The following ZNF704 variants were observed in gnomAD, a reference collection of about 807,000 sequenced individuals.
ZNF704 encodes zinc finger protein 704, also known as glucocorticoid induced gene 1.
ZNF704 carries 10 observed loss-of-function variants against 44.7 expected under a neutral mutation model. The observed-to-expected ratio is 0.22, with a 90% CI of 0.14 to 0.38. ZNF704 has a LOEUF of 0.38. Among genes scored for constraint, ZNF704 ranks in the 10% least tolerant of loss-of-function variants. The pLI is 1.00. For synonymous variants in ZNF704, 211 were observed against 207.6 expected, an observed-to-expected ratio of 1.02 and a Z score of -0.14; for missense variants, 390 against 545.5, an observed-to-expected ratio of 0.71 and a Z score of 2.84.
chr8:80,821,093 A>T (rs1808261842), intron 2 of ZNF704, among the ~76,000 whole-genome samples: 1 of 152,134 alleles, frequency 6.6e-6, no homozygotes, highest in Admixed American at 6.6e-5. Context: ...TTTCATCCTA[A>T]TTTTTTGCAT....
intron 2 of ZNF704, among the ~76,000 whole-genome samples, chr8:80,752,605 G>A (rs1003634015): frequency 6.6e-6 from 1 of 151,882 alleles, no homozygotes. Flanking sequence ...GCAATGGTGT[G>A]ATTTTGGCTC....
intron 2 of ZNF704, among the ~76,000 whole-genome samples, chr8:80,702,175 T>C (rs1410765637): frequency 4.0e-5 from 6 of 151,338 alleles, no homozygotes; most frequent in Non-Finnish European, 7.4e-5. Context: ...CTACCTGGAG[T>C]GAGGAGAACA....
At chr8:80,669,171 C>G (rs1818240650) in intron 5 of ZNF704, among the ~76,000 whole-genome samples, 1 of 152,144 alleles carries the variant, frequency 6.6e-6, no homozygotes, top group South Asian at 2.1e-4. Flanking sequence ...ATTTTCTGGG[C>G]AGACAGACTT....
chr8:80,631,882 A>C lies in ZNF704; in HGVS notation c.*9484T>G, dbSNP rs1429780199. The C allele has an allele frequency of 6.6e-6, 1 of 152,192 alleles. No homozygotes were observed. Among genetic ancestry groups the C allele is most frequent in the African/African-American group, 2.4e-5 (1 of 41,438 alleles). 9.4% of individuals were successfully genotyped at this position (152,192 alleles called of 1,614,324 possible). A position where few individuals can be genotyped will look rare whatever the true frequency, so the allele number is the denominator to read the frequency against. On this transcript the variant is annotated 3_prime_UTR_variant, in exon 9 of 9. Transcript: ENST00000327835. ...ATTTATCCCCTTGCACCTTAATTTA[A>C]GAGAGAGAAAGCAGTAGCACAGAAA...
intron 2 of ZNF704, among the ~76,000 whole-genome samples, chr8:80,775,486 G>T (rs112676708): frequency 1.3e-5 from 2 of 152,130 alleles, no homozygotes; most frequent in Non-Finnish European, 2.9e-5. Flanking sequence ...AAATGATAAA[G>T]AAATTTTCAG....
chr8:80,664,129 G>A (rs943636127), intron 6 of ZNF704, among the ~76,000 whole-genome samples: 9 of 150,552 alleles, frequency 6.0e-5, no homozygotes, highest in Non-Finnish European at 7.4e-5. Context: ...ACAGAGTCTC[G>A]CTCTGTCGCC....
intron 1 of ZNF704, among the ~76,000 whole-genome samples, chr8:80,822,014 T>A (rs73262584): frequency 0.21 from 32,217 of 152,166 alleles, 4,758 homozygotes; most frequent in African/African-American, 0.42. Flanking sequence ...GTATAAAATC[T>A]AACTTTCTTT....
intron 2 of ZNF704, among the ~76,000 whole-genome samples, chr8:80,748,516 T>A (rs1806885434): frequency 6.6e-6 from 1 of 152,174 alleles, no homozygotes; most frequent in South Asian, 2.1e-4. Context: ...CCCGGAAGGA[T>A]CTCAGAAGAT....
chr8:80,752,571 C>T (rs569794128), intron 2 of ZNF704, among the ~76,000 whole-genome samples: 3 of 151,770 alleles, frequency 2.0e-5, no homozygotes, highest in East Asian at 1.9e-4. Context: ...AACAGAGTTT[C>T]GTTCTTGTTG....
Position 80,631,817 on chromosome 8 carries a change from T to C in ZNF704, c.*9549A>G, listed in dbSNP as rs969983299. ...GAATATTTCCCCCGAAGGGAGGGAA[T>C]AGCCACACTGACTGAGCCTTACATC... On this transcript the variant is annotated 3_prime_UTR_variant, in exon 9 of 9. Transcript: ENST00000327835. 2 of 152,228 alleles carry C rather than the reference T, an allele frequency of 1.3e-5. No homozygotes were observed. Among genetic ancestry groups the C allele is most frequent in the African/African-American group, 2.4e-5 (1 of 41,458 alleles). The allele number at this position is 152,228 out of a possible 1,614,324, so 9.4% of individuals were successfully genotyped here. A position where few individuals can be genotyped will look rare whatever the true frequency, so the allele number is the denominator to read the frequency against.
intron 2 of ZNF704, among the ~76,000 whole-genome samples, chr8:80,808,587 G>A (rs989990657): frequency 6.6e-6 from 1 of 152,094 alleles, no homozygotes; most frequent in African/African-American, 2.4e-5. Context: ...TTAATGGGAG[G>A]TGATGCATTC....
At chr8:80,748,180 AT>A (rs1215444560) in intron 2 of ZNF704, among the ~76,000 whole-genome samples, 2 of 152,204 alleles carry the variant, frequency 1.3e-5, no homozygotes, top group Admixed American at 1.3e-4. Context: ...AAGAAAAGAG[AT>A]TGTGATGTAG....
intron 2 of ZNF704, among the ~76,000 whole-genome samples, chr8:80,746,345 G>C (rs1351156781): frequency 1.3e-5 from 2 of 152,074 alleles, no homozygotes; most frequent in Non-Finnish European, 2.9e-5. Context: ...AAAAGTACAG[G>C]GTTTTAATAG....
intron 2 of ZNF704, among the ~76,000 whole-genome samples, chr8:80,766,423 T>G (rs1000453606): frequency 8.5e-5 from 13 of 152,314 alleles, no homozygotes; most frequent in Middle Eastern, 6.8e-3. Context: ...TGCTATTTCC[T>G]GGTGTCTAGC....
chr8:80,641,738 G>A (rs554935309), intron 8 of ZNF704, among the ~76,000 whole-genome samples: 1 of 152,262 alleles, frequency 6.6e-6, no homozygotes, highest in South Asian at 2.1e-4. Context: ...GCATGTACCT[G>A]TAATCCCAGC....
chr8:80,854,292 A>C (rs1808921083), intron 1 of ZNF704, among the ~76,000 whole-genome samples: 1 of 152,288 alleles, frequency 6.6e-6, no homozygotes, highest in African/African-American at 2.4e-5. Flanking sequence ...CTCTAGTGAT[A>C]TGTTCCAGTT....
At chr8:80,789,782 C>T (rs193154110) in intron 2 of ZNF704, among the ~76,000 whole-genome samples, 1 of 152,146 alleles carries the variant, frequency 6.6e-6, no homozygotes, top group Non-Finnish European at 1.5e-5. Context: ...AAAAATAACA[C>T]ATGATTCAAC....
At chr8:80,816,628 G>A (rs567416306) in intron 2 of ZNF704, among the ~76,000 whole-genome samples, 4 of 152,250 alleles carry the variant, frequency 2.6e-5, no homozygotes, top group South Asian at 2.1e-4. Context: ...AATTAGCATC[G>A]ACACTTTTAG....
At chr8:80,696,318 AC>A (rs1818723738) in intron 2 of ZNF704, among the ~76,000 whole-genome samples, 1 of 152,198 alleles carries the variant, frequency 6.6e-6, no homozygotes, top group South Asian at 2.1e-4. Context: ...CTCCAGCCAT[AC>A]TTGAATAGTA....
Sources: allele counts gnomAD v4.1 joint callset (sites outside exome capture counted in the v4.1 genomes callset), GRCh38; gene constraint gnomAD v4.1.1; transcripts MANE v1.5; gene names NCBI Gene and HGNC (gene_info 2026-07-23, HGNC 2026-07-21).